Variants in MAPK10 observed in about 807,000 individuals in gnomAD.
MAPK10 encodes the protein JNK3 alpha protein kinase.
MAPK10 carries 25 observed loss-of-function variants against 59.3 expected under a neutral mutation model. The observed-to-expected ratio is 0.42, with a 90% CI of 0.31 to 0.59. The LOEUF is 0.59. MAPK10 is among the 20% of genes least tolerant of loss of function. The probability of loss-of-function intolerance (pLI) is 0.15; values close to 1 mark genes in which losing one functional copy is unlikely to be tolerated. For missense variants in MAPK10, 351 were observed against 568.9 expected, an observed-to-expected ratio of 0.62 and a Z score of 3.90; for synonymous variants, 190 against 200.5, an observed-to-expected ratio of 0.95 and a Z score of 0.44.
chr4:86,083,160 A>G (rs1054762844), intron 9 of MAPK10, among the ~76,000 whole-genome samples: 1 of 152,138 alleles, frequency 6.6e-6, no homozygotes, highest in Non-Finnish European at 1.5e-5. Flanking sequence ...GGATGGCAAA[A>G]TAGAAGGCTC....
intron 1 of MAPK10, among the ~76,000 whole-genome samples, chr4:86,395,956 G>A (rs1174266352): frequency 1.3e-5 from 2 of 152,138 alleles, no homozygotes; most frequent in Non-Finnish European, 2.9e-5. Flanking sequence ...TACGAATTTT[G>A]GGAAGACACA....
chr4:86,192,963 G>A (rs1208791440), intron 3 of MAPK10: 1 of 152,090 alleles, frequency 6.6e-6, no homozygotes, highest in Non-Finnish European at 1.5e-5. Context: ...GTTTTTGTGT[G>A]AATGTCCTTT....
At chr4:86,119,583 C>CAAAAAAAA (rs1200405289) in intron 4 of MAPK10, 5 of 52,656 alleles carry the variant, frequency 9.5e-5, no homozygotes, top group Admixed American at 2.0e-4. Flanking sequence ...GACTCCATCA[C>CAAAAAAAA]AAAAAAAAAA....
intron 2 of MAPK10, among the ~76,000 whole-genome samples, chr4:86,275,201 T>C (rs934385084): frequency 6.6e-6 from 1 of 152,070 alleles, no homozygotes; most frequent in Non-Finnish European, 1.5e-5. Context: ...TTATATTTTA[T>C]ACTGCCTAAT....
In MAPK10 at chr4:86,540,951, G is replaced by A. The variant is rs1005658667; in HGVS notation, c.-263+52959C>T. On this transcript the variant is annotated intron_variant, in intron 1 of 4. Coordinates refer to the MAPK10 transcript ENST00000502302. ...GACCCTATCTTGAACAACAAAAGCA[G>A]AGGTACTTTTGTTAGATTTCCTACA... Among the ~76,000 whole-genome samples the A allele has an allele frequency of 3.9e-4, 59 of 152,280 alleles. 1 individual carries two copies. The highest frequency in any genetic ancestry group is 1.4e-3 in the African/African-American group (59 of 41,564).
At chr4:86,116,191 G>A (rs896567646) in intron 4 of MAPK10, among the ~76,000 whole-genome samples, 4 of 152,112 alleles carry the variant, frequency 2.6e-5, no homozygotes, top group African/African-American at 9.7e-5. Context: ...GGCAAACTCT[G>A]GCACTTCTTG....
intron 1 of MAPK10, among the ~76,000 whole-genome samples, chr4:86,436,683 G>A (rs1307069131): frequency 6.6e-6 from 1 of 152,214 alleles, no homozygotes; most frequent in African/African-American, 2.4e-5. Flanking sequence ...TATGTATCCA[G>A]TCATGTCACT....
intron 1 of MAPK10, among the ~76,000 whole-genome samples, chr4:86,416,223 G>T (rs1232999069): frequency 6.6e-6 from 1 of 152,164 alleles, no homozygotes; most frequent in South Asian, 2.1e-4. Context: ...ACCATGTGAG[G>T]ACACAGCAAG....
intron 1 of MAPK10, among the ~76,000 whole-genome samples, chr4:86,479,113 C>A (rs1753363038): frequency 6.6e-6 from 1 of 152,094 alleles, no homozygotes; most frequent in East Asian, 1.9e-4. Context: ...CCCACAGGAT[C>A]TGAGAAATGA....
chr4:86,479,910 C>G (rs1055659419), intron 1 of MAPK10, among the ~76,000 whole-genome samples: 3 of 152,102 alleles, frequency 2.0e-5, no homozygotes, highest in African/African-American at 7.2e-5. Flanking sequence ...TAATCTCTCC[C>G]ACTCTAGGTT....
chr4:86,135,728 C>T (rs182596709), intron 4 of MAPK10, among the ~76,000 whole-genome samples: 1 of 150,340 alleles, frequency 6.7e-6, no homozygotes, highest in African/African-American at 2.5e-5. Context: ...TTCAGACGAT[C>T]AAATTACTGA....
intron 2 of MAPK10, among the ~76,000 whole-genome samples, chr4:86,200,748 T>C (rs2082433036): frequency 6.6e-6 from 1 of 151,936 alleles, no homozygotes; most frequent in Non-Finnish European, 1.5e-5. Context: ...CTATACATAT[T>C]TATGGGGTAC....
chr4:86,278,731 C>G (rs1191141479), intron 2 of MAPK10, among the ~76,000 whole-genome samples: 2 of 152,056 alleles, frequency 1.3e-5, no homozygotes, highest in African/African-American at 2.4e-5. Context: ...TTATGTACTC[C>G]CTGATAGAAT....
chr4:86,362,191 T>G (rs1426467576), upstream of MAPK10, among the ~76,000 whole-genome samples: 4 of 152,054 alleles, frequency 2.6e-5, no homozygotes, highest in African/African-American at 9.7e-5. Flanking sequence ...ATAAAACAAT[T>G]TTTTAAAAGT....
At chr4:86,435,528 A>G (rs1748608091) in intron 1 of MAPK10, among the ~76,000 whole-genome samples, 1 of 152,180 alleles carries the variant, frequency 6.6e-6, no homozygotes, top group South Asian at 2.1e-4. Flanking sequence ...GGTAAATTTT[A>G]TATGTATATT....
At chr4:86,129,829 C>A (rs149490403) in intron 4 of MAPK10, among the ~76,000 whole-genome samples, 43 of 152,108 alleles carry the variant, frequency 2.8e-4, no homozygotes, top group African/African-American at 1.0e-3. Flanking sequence ...TTAATAAGCT[C>A]AAAAATAGAA....
rs185749088 is a variant in MAPK10, at chr4:86,409,442, T to G, written c.-122+43588A>C. On this transcript the variant is annotated intron_variant, in intron 1 of 13. Transcript: ENST00000361569. ...GTTTTTTCTAATTCTGTGAAGAAAG[T>G]CATTGGTAGCTTGATGGGGATAGCA... is the stretch of plus-strand genomic sequence containing the variant. 4.7e-3 allele frequency among the ~76,000 whole-genome samples: 717 copies of G among 152,326 alleles called. 8 individuals carry two copies. The highest frequency in any genetic ancestry group is 0.016 in the African/African-American group (669 of 41,580).
At chr4:86,464,304 G>T (rs891430172) in intron 1 of MAPK10, among the ~76,000 whole-genome samples, 1 of 152,212 alleles carries the variant, frequency 6.6e-6, no homozygotes, top group South Asian at 2.1e-4. Context: ...TAATGGTAAA[G>T]CTTCTTATTC....
chr4:86,586,361 G>A (rs889385976), intron 1 of MAPK10, among the ~76,000 whole-genome samples: 2 of 152,020 alleles, frequency 1.3e-5, no homozygotes, highest in Non-Finnish European at 2.9e-5. Context: ...AGCCCCGAGG[G>A]CCACCCTCAT....
Sources: allele counts gnomAD v4.1 joint callset (sites outside exome capture counted in the v4.1 genomes callset), GRCh38; gene constraint gnomAD v4.1.1; transcripts MANE v1.5; gene names NCBI Gene and HGNC (gene_info 2026-07-23, HGNC 2026-07-21).